TIAM2: variants seen among roughly 807,000 people sequenced by gnomAD.
The protein encoded by TIAM2 is TIAM Rac1 associated GEF 2.
Under a neutral mutation model 152.9 loss-of-function variants are expected in TIAM2, and 80 were observed. The observed-to-expected ratio is 0.52, with a 90% CI of 0.44 to 0.63. The LOEUF (loss-of-function observed/expected upper bound fraction) is 0.63, where lower values mean the gene tolerates loss of function less well. Among genes scored for constraint, TIAM2 ranks in the 30% least tolerant of loss-of-function variants. TIAM2 has a pLI of 0.00. For synonymous variants in TIAM2, 804 were observed against 838.0 expected (o/e 0.96, Z 0.70); for missense variants, 1,965 against 2,120.1 (o/e 0.93, Z 1.44).
At chr6:155,024,910 G>A (rs1457460247) in intron 1 of TIAM2, among the ~76,000 whole-genome samples, 1 of 152,152 alleles carries the variant, frequency 6.6e-6, no homozygotes, top group Non-Finnish European at 1.5e-5. Flanking sequence ...AGATCCAGAA[G>A]GGAGAAATCC....
intron 1 of TIAM2, among the ~76,000 whole-genome samples, chr6:155,029,474 T>TA (rs1776761277): frequency 1.8e-5 from 1 of 54,442 alleles, no homozygotes; most frequent in Non-Finnish European, 3.0e-5. Context: ...ATATATACTA[T>TA]AGTATATATA....
chr6:155,158,442 A>G (rs6557405), intron 7 of TIAM2, among the ~76,000 whole-genome samples: 71,645 of 152,084 alleles, frequency 0.47, 17,381 homozygotes, highest in Middle Eastern at 0.55. Flanking sequence ...TCCTTTCACA[A>G]TGAAAGATAA....
chr6:155,113,606 G>A (rs1778915850), intron 2 of TIAM2, among the ~76,000 whole-genome samples: 1 of 151,914 alleles, frequency 6.6e-6, no homozygotes, highest in Non-Finnish European at 1.5e-5. Context: ...CTCCTGTAGT[G>A]CCAGCTACTT....
At chr6:155,237,955 C>T (rs1162444955) in intron 15 of TIAM2, among the ~76,000 whole-genome samples, 2 of 152,260 alleles carry the variant, frequency 1.3e-5, no homozygotes, top group East Asian at 1.9e-4. Context: ...ATGCAAATGT[C>T]TGCAGCCAGC....
chr6:155,128,647 CCCAGGAG>C (rs1779355156), intron 3 of TIAM2, among the ~76,000 whole-genome samples: 1 of 151,526 alleles, frequency 6.6e-6, no homozygotes, highest in African/African-American at 2.4e-5. Flanking sequence ...ATCTCTTGAG[CCCAGGAG>C]TTCAAGACCA....
At chr6:155,181,202 T>C (rs1780893430) in intron 12 of TIAM2, among the ~76,000 whole-genome samples, 1 of 152,192 alleles carries the variant, frequency 6.6e-6, no homozygotes, top group African/African-American at 2.4e-5. Context: ...CATGGAAACC[T>C]GTGCTCCTCA....
At chr6:155,169,064 T>C (rs945103868) in intron 9 of TIAM2, 10 of 712,828 alleles carry the variant, frequency 1.4e-5, no homozygotes, top group Middle Eastern at 4.1e-4. Context: ...GGCACGATCT[T>C]GGCTCACTGC....
chr6:155,250,892 C>T (rs41284224), intron 21 of TIAM2, 21 bp from the exon 22 acceptor site: 28,921 of 1,608,164 alleles, frequency 0.018, 289 homozygotes, highest in Non-Finnish European at 0.022. Flanking sequence ...ATCTTCCTTA[C>T]CTCCTGTTTT....
At chr6:155,172,705 T>A (rs1490319059) in intron 9 of TIAM2, among the ~76,000 whole-genome samples, 2 of 109,748 alleles carry the variant, frequency 1.8e-5, no homozygotes, top group African/African-American at 7.0e-5. Flanking sequence ...TTTTTTTTTT[T>A]TTTTTTTCTT....
chr6:155,211,404 C>A, intron 15 of TIAM2, 97 bp downstream of exon 15: 1 of 879,428 alleles, frequency 1.1e-6, no homozygotes, highest in Admixed American at 2.2e-5. Context: ...AGTTACCTAT[C>A]TCTAGGTCCA....
In TIAM2 at chr6:155,250,922, C is replaced by G; in HGVS notation, c.3961C>G (p.Leu1321Val). ...TGTTTTTACAATCTAGGTAACAGAA[C>G]TTTCGATGGGAGAGCTTCTGATGCA... ...QSGTEKEVTE[L>V]SMGELLMHST... is the part of the protein sequence containing the mutation. Residue 1321 changes from leucine to valine, a missense_variant, in exon 22 of 27, where the codon CTT (leucine) becomes GTT (valine). Coordinates refer to ENST00000682666, the MANE Select transcript of TIAM2 (RefSeq NM_012454.4). The G allele has an allele frequency of 6.2e-7, 1 of 1,614,170 alleles. No individual in the cohort carries two copies. The highest frequency in any genetic ancestry group is 8.5e-7 in the Non-Finnish European group (1 of 1,180,018).
intron 14 of TIAM2, among the ~76,000 whole-genome samples, chr6:155,209,121 G>A (rs1357961480): frequency 1.3e-5 from 2 of 152,032 alleles, no homozygotes; most frequent in Non-Finnish European, 2.9e-5. Flanking sequence ...TCCCCACTCA[G>A]CAGCCTGTGG....
intron 1 of TIAM2, among the ~76,000 whole-genome samples, chr6:155,038,801 G>A (rs888458714): frequency 2.6e-5 from 4 of 151,856 alleles, no homozygotes; most frequent in African/African-American, 4.8e-5. Flanking sequence ...GTATTGTGGT[G>A]CACACCTGTA....
intron 15 of TIAM2, among the ~76,000 whole-genome samples, chr6:155,212,830 G>A (rs1781756576): frequency 6.6e-6 from 1 of 152,172 alleles, no homozygotes; most frequent in Admixed American, 6.5e-5. Context: ...GCACGTGTGG[G>A]GTCTGGCCAC....
chr6:155,166,334 C>CT (rs1562338906), intron 9 of TIAM2, among the ~76,000 whole-genome samples: 1 of 111,956 alleles, frequency 8.9e-6, no homozygotes, highest in African/African-American at 3.0e-5. Context: ...TTTTTTTTTT[C>CT]TTTTTTTGAG....
rs759721946 is a variant in TIAM2, at chr6:155,253,069, A to G, written c.4225+16A>G. ...AATCCAGCAGGTAACTGTTTCGTGC[A>G]GTATGATGCCAGAAAAAGCATTTTA... On this transcript the variant is annotated intron_variant, in intron 24 of 26. Transcript: ENST00000682666. The G allele has an allele frequency of 3.7e-6, 6 of 1,603,984 alleles. No homozygotes were observed. The highest frequency in any genetic ancestry group is 3.3e-5 in the Admixed American group (2 of 59,934).
At chr6:155,137,701 T>C in intron 5 of TIAM2, 89 bp downstream of exon 5, 1 of 1,407,004 alleles carries the variant, frequency 7.1e-7, no homozygotes, top group Non-Finnish European at 9.4e-7. Context: ...CTAGCATTGA[T>C]TTGAGTTCAC....
intron 1 of TIAM2, among the ~76,000 whole-genome samples, chr6:155,068,331 C>T (rs1777751486): frequency 6.6e-6 from 1 of 152,202 alleles, no homozygotes; most frequent in African/African-American, 2.4e-5. Flanking sequence ...TCTGCCTTTT[C>T]CTTTCTCTGT....
intron 2 of TIAM2, among the ~76,000 whole-genome samples, chr6:155,100,364 G>T (rs184770697): frequency 6.6e-6 from 1 of 152,158 alleles, no homozygotes; most frequent in African/African-American, 2.4e-5. Context: ...AAATGCTAAC[G>T]GAGAATGGTG....
Sources: allele counts gnomAD v4.1 joint callset (sites outside exome capture counted in the v4.1 genomes callset), GRCh38; gene constraint gnomAD v4.1.1; transcripts MANE v1.5; gene names NCBI Gene and HGNC (gene_info 2026-07-23, HGNC 2026-07-21).